Variants in PABIR3 observed in about 807,000 individuals in gnomAD.
PABIR3 encodes PABIR family member 3.
In PABIR3, 20 loss-of-function variants were observed where a neutral mutation model predicts 23.1. That is an observed-to-expected ratio of 0.86 (90% CI 0.61 to 1.26). PABIR3 has a LOEUF of 1.26. Ranked by LOEUF, PABIR3 falls within the 50% of genes most tolerant of loss-of-function variation. The probability of loss-of-function intolerance (pLI) is 0.00; values close to 1 mark genes in which losing one functional copy is unlikely to be tolerated. For missense variants in PABIR3, 189 were observed against 195.4 expected (o/e 0.97, Z 0.20); for synonymous variants, 69 against 68.5 (o/e 1.01, Z -0.04).
intron 4 of PABIR3, among the ~76,000 whole-genome samples, chrX:134,837,383 A>G (rs1457765819): frequency 8.9e-6 from 1 of 111,840 alleles, no homozygotes; most frequent in Non-Finnish European, 1.9e-5. Context: ...ATTTTAGTTT[A>G]CAGATTGTTT....
intron 6 of PABIR3, among the ~76,000 whole-genome samples, chrX:134,845,934 C>T (rs1256197971): frequency 8.9e-6 from 1 of 111,975 alleles, no homozygotes; most frequent in African/African-American, 3.2e-5. Flanking sequence ...TCTTAAACCA[C>T]AGACAATAGA....
intron 4 of PABIR3, among the ~76,000 whole-genome samples, chrX:134,831,097 C>T (rs991922483): frequency 1.1e-4 from 12 of 107,746 alleles, no homozygotes; most frequent in Non-Finnish European, 1.9e-4. Context: ...GATGGAGTCT[C>T]ACTCTGTCAC....
At chrX:134,825,639 A>G (rs1479939699) in intron 3 of PABIR3, among the ~76,000 whole-genome samples, 6 of 110,444 alleles carry the variant, frequency 5.4e-5, no homozygotes, top group Non-Finnish European at 9.4e-5. Context: ...GTTATGCGCC[A>G]GTCAAGAGTC....
In PABIR3 at chrX:134,840,057, A is replaced by AC. The variant is rs769608655; in HGVS notation, c.247-5143dup. ...TGGGATCCTGTAGATCTGTGACCTTACCCCCAACCCTGTGCTCTCTGAAAC... is the reference window on the plus strand; with the variant it reads ...TGGGATCCTGTAGATCTGTGACCTTACCCCCCAACCCTGTGCTCTCTGAAAC... On this transcript the variant is annotated intron_variant, in intron 4 of 10. Coordinates refer to ENST00000645433, the MANE Select transcript of PABIR3 (RefSeq NM_001388447.1). Among the ~76,000 whole-genome samples, 512 of 111,765 alleles carry AC rather than the reference A, an allele frequency of 4.6e-3. 1 individual carries two copies. The highest frequency in any genetic ancestry group is 0.014 in the African/African-American group (439 of 30,773).
intron 9 of PABIR3, among the ~76,000 whole-genome samples, chrX:134,851,454 T>C (rs899124381): frequency 1.9e-5 from 2 of 107,672 alleles, no homozygotes; most frequent in Non-Finnish European, 3.8e-5. Flanking sequence ...GAGAATCGCC[T>C]GAATCCAGGA....
Position 134,854,160 on chromosome X carries a change from C to CGGCACT in PABIR3, c.758_763dup (p.Gly253_Thr254dup), listed in dbSNP as rs2082726878. On this transcript the variant is annotated inframe_insertion, in exon 11 of 11. Coordinates refer to ENST00000645433, the MANE Select transcript of PABIR3 (RefSeq NM_001388447.1). The stretch of plus-strand genomic sequence containing the variant: ...CTTCTGGTAATTCGTCAGCTGAAAT[C>CGGCACT]GGCACTGTCACAAACTCTCCTGTGT... The CGGCACT allele has an allele frequency of 8.3e-7, 1 of 1,208,516 alleles. No individual in the cohort carries two copies. The highest frequency in any genetic ancestry group is 1.8e-5 in the African/African-American group (1 of 57,029).
chrX:134,808,984 C>T (rs1389314624), intron 2 of PABIR3, among the ~76,000 whole-genome samples: 1 of 111,127 alleles, frequency 9.0e-6, no homozygotes. Context: ...GATATACATA[C>T]AGTATGTACA....
At chrX:134,825,170 A>G (rs2081451417) in intron 3 of PABIR3, among the ~76,000 whole-genome samples, 1 of 112,420 alleles carries the variant, frequency 8.9e-6, no homozygotes, top group African/African-American at 3.2e-5. Flanking sequence ...TTAAAAATAA[A>G]TAAATGAAAG....
At chrX:134,801,575 C>T (rs1020181927) in intron 1 of PABIR3, among the ~76,000 whole-genome samples, 1 of 112,290 alleles carries the variant, frequency 8.9e-6, no homozygotes, top group African/African-American at 3.2e-5. Context: ...GCAAGCCATG[C>T]GGGGGTTTTT....
chrX:134,849,262 T>G, intron 9 of PABIR3, 34 bp downstream of exon 9: 1 of 591,611 alleles, frequency 1.7e-6, no homozygotes, highest in Non-Finnish European at 2.3e-6. Context: ...TAAATATAAC[T>G]TTAAGTTATT....
rs746844344 is a variant in PABIR3, at chrX:134,842,687, C to T, written c.247-2518C>T. ...CTGAGGCAGGTGGATCACCTGAGGT[C>T]AGGAGTTTGAAACCAGCCTGGCCAA... On this transcript the variant is annotated intron_variant, in intron 4 of 10. Coordinates refer to ENST00000645433, the MANE Select transcript of PABIR3 (RefSeq NM_001388447.1). Among the ~76,000 whole-genome samples, 388 of 109,906 alleles carry T rather than the reference C, an allele frequency of 3.5e-3. 3 individuals carry two copies. Among genetic ancestry groups the T allele is most frequent in the African/African-American group, 0.012 (367 of 30,168 alleles).
chrX:134,847,756 C>A lies in PABIR3; in HGVS notation c.439-127C>A, dbSNP rs2082482348. The A allele has an allele frequency of 7.3e-6, 4 of 545,285 alleles. No homozygotes were observed. The East Asian group carries it at 1.5e-4, about 20-fold the overall frequency. The allele number at this position is 545,285 out of a possible 1,213,427, so 44.9% of individuals were successfully genotyped here. ...TATTGAACAGTTCCCACACTCAAAA[C>A]AATTTCCTAATGATCTTTTGTACCC... On this transcript the variant is annotated intron_variant, in intron 7 of 10. Transcript: ENST00000645433.
the PABIR3 span, among the ~76,000 whole-genome samples, chrX:134,860,577 G>C: frequency 1.8e-5 from 2 of 111,621 alleles, no homozygotes; most frequent in Admixed American, 1.9e-4. Flanking sequence ...GCATCTCTTT[G>C]GGGATAGCAA....
rs2080403328 is a variant in PABIR3, at chrX:134,808,612, C to T, written c.110+904C>T. Among the ~76,000 whole-genome samples, 3 of 111,934 alleles carry T rather than the reference C, an allele frequency of 2.7e-5. No homozygotes were observed. The South Asian group carries it at 1.1e-3, about 41-fold the overall frequency. On this transcript the variant is annotated intron_variant, in intron 2 of 10. Coordinates refer to ENST00000645433, the MANE Select transcript of PABIR3 (RefSeq NM_001388447.1). ...AGTCAGGATGGTCTTGATCTCCTGA[C>T]CTCGTGATCCGCCCGCCTCGGCCTC...
the PABIR3 span, among the ~76,000 whole-genome samples, chrX:134,862,296 C>T: frequency 1.8e-5 from 2 of 108,338 alleles, no homozygotes; most frequent in Non-Finnish European, 3.8e-5. Flanking sequence ...ACTACAAGCA[C>T]CCGCCACCAA....
chrX:134,810,635 C>T, intron 2 of PABIR3: 1 of 753,549 alleles, frequency 1.3e-6, no homozygotes, highest in Non-Finnish European at 1.6e-6. Context: ...TACACTGAGC[C>T]TTAGTTGAAT....
intron 3 of PABIR3, among the ~76,000 whole-genome samples, chrX:134,818,843 T>A (rs1307606566): frequency 9.0e-6 from 1 of 110,901 alleles, no homozygotes; most frequent in Non-Finnish European, 1.9e-5. Flanking sequence ...ATAGTACATA[T>A]AGTCAGCAAC....
intron 3 of PABIR3, among the ~76,000 whole-genome samples, chrX:134,823,548 G>A (rs1253341879): frequency 9.0e-6 from 1 of 111,589 alleles, no homozygotes; most frequent in Non-Finnish European, 1.9e-5. Flanking sequence ...ATTTGTATAC[G>A]TGTATTCTAT....
At position 134,854,272 on chromosome X, in the gene PABIR3, A is replaced by G; in HGVS notation, c.*55A>G. ...CATCCCAAGACTTTCTCACCAGTGG[A>G]GAAACACACACATCAAGCAAACCAA... On this transcript the variant is annotated 3_prime_UTR_variant, in exon 11 of 11. Coordinates refer to ENST00000645433, the MANE Select transcript of PABIR3 (RefSeq NM_001388447.1). 8.7e-7 allele frequency: 1 copy of G among 1,149,354 alleles called. No homozygotes were observed. Among genetic ancestry groups the G allele is most frequent in the Non-Finnish European group, 1.2e-6 (1 of 858,851 alleles). The allele number at this position is 1,149,354 out of a possible 1,213,427, so 94.7% of individuals were successfully genotyped here. A position where few individuals can be genotyped will look rare whatever the true frequency, so the allele number is the denominator to read the frequency against.
Sources: allele counts gnomAD v4.1 joint callset (sites outside exome capture counted in the v4.1 genomes callset), GRCh38; gene constraint gnomAD v4.1.1; transcripts MANE v1.5; gene names NCBI Gene and HGNC (gene_info 2026-07-23, HGNC 2026-07-21).